The following NAV3 variants were observed in gnomAD, a reference collection of about 807,000 sequenced individuals.
The protein encoded by NAV3 is pore membrane and/or filament interacting like protein 1.
In NAV3, 87 loss-of-function variants were observed where a neutral mutation model predicts 244.7. The observed-to-expected ratio is 0.36, with a 90% CI of 0.30 to 0.42. The LOEUF (loss-of-function observed/expected upper bound fraction) is 0.42. NAV3 is among the 20% of genes least tolerant of loss of function. The pLI is 1.00. For missense variants in NAV3, 2,663 were observed against 2,893.3 expected (o/e 0.92, Z 1.83); for synonymous variants, 1,126 against 1,042.2 (o/e 1.08, Z -1.55).
chr12:77,784,043 C>A (rs982816718), intron 2 of NAV3, among the ~76,000 whole-genome samples: 2 of 152,052 alleles, frequency 1.3e-5, no homozygotes, highest in Non-Finnish European at 2.9e-5. Context: ...ATGACTCTGA[C>A]CTTCAGTTTT....
rs113614434 is a variant in NAV3, at chr12:78,117,955, C to T, written c.2770-72C>T. 3.0e-6 allele frequency: 4 copies of T among 1,346,054 alleles called. No homozygotes were observed. The East Asian group carries it at 9.8e-5, about 33-fold the overall frequency. The allele number at this position is 1,346,054 out of a possible 1,614,324, so 83.4% of individuals were successfully genotyped here. A position where few individuals can be genotyped will look rare whatever the true frequency, so the allele number is the denominator to read the frequency against. On this transcript the variant is annotated intron_variant, in intron 13 of 39. Coordinates refer to ENST00000397909, the MANE Select transcript of NAV3 (RefSeq NM_001024383.2). ...GGATTTATCCAGTTATCTGAAAGTACATTTCATTGCCTTAATTCATACTTT... is the reference window on the plus strand; with the variant it reads ...GGATTTATCCAGTTATCTGAAAGTATATTTCATTGCCTTAATTCATACTTT...
chr12:77,658,493 T>C (rs1357434931), intron 2 of NAV3, among the ~76,000 whole-genome samples: 1 of 149,600 alleles, frequency 6.7e-6, no homozygotes, highest in Non-Finnish European at 1.5e-5. Context: ...TCCATGCTCA[T>C]GGGTAGGAAG....
At chr12:77,838,653 A>G (rs1227723014) in intron 1 of NAV3, among the ~76,000 whole-genome samples, 1 of 152,202 alleles carries the variant, frequency 6.6e-6, no homozygotes, top group African/African-American at 2.4e-5. Flanking sequence ...GCCAATAGAT[A>G]TGTCATTAAT....
chr12:77,960,914 A>G (rs903925511), intron 3 of NAV3, among the ~76,000 whole-genome samples: 17 of 146,540 alleles, frequency 1.2e-4, no homozygotes, highest in African/African-American at 4.2e-4. Flanking sequence ...TATTCAATAT[A>G]CATGTGTTTA....
chr12:77,683,201 G>A (rs1041146245), intron 2 of NAV3, among the ~76,000 whole-genome samples: 1 of 152,078 alleles, frequency 6.6e-6, no homozygotes, highest in Non-Finnish European at 1.5e-5. Flanking sequence ...TATGGTATAA[G>A]GTGAGGGTCT....
intron 2 of NAV3, among the ~76,000 whole-genome samples, chr12:77,782,973 T>A (rs761517383): frequency 3.3e-5 from 5 of 152,012 alleles, no homozygotes; most frequent in Non-Finnish European, 5.9e-5. Context: ...GAGGTGAAGG[T>A]GGGAGGGAGC....
At chr12:78,003,369 C>T (rs1240223884) in intron 7 of NAV3, among the ~76,000 whole-genome samples, 1 of 152,162 alleles carries the variant, frequency 6.6e-6, no homozygotes. Context: ...ATCTGTGATG[C>T]TTAAAGTATC....
rs79842131 is a variant in NAV3, at chr12:77,685,971, T to C, written c.72+113705T>C. Among the ~76,000 whole-genome samples, 14 of 152,306 alleles carry C rather than the reference T, an allele frequency of 9.2e-5. No individual in the cohort carries two copies. In the East Asian group the frequency reaches 2.7e-3, roughly 29 times the overall value. ...CAGTATAGTAGTGTCTCTTTAACATTGTCAACAGAAGTGTCTAGTTTTTGA... is the reference window on the plus strand; with the variant it reads ...CAGTATAGTAGTGTCTCTTTAACATCGTCAACAGAAGTGTCTAGTTTTTGA... On this transcript the variant is annotated intron_variant, in intron 2 of 8. Transcript: ENST00000550042.
intron 24 of NAV3, among the ~76,000 whole-genome samples, chr12:78,172,240 G>A (rs76504426): frequency 0.049 from 7,406 of 151,620 alleles, 196 homozygotes; most frequent in Non-Finnish European, 0.071. Flanking sequence ...GTTGGATAAC[G>A]CATGTATTAA....
At chr12:78,120,138 C>T (rs1955610605) in intron 15 of NAV3, among the ~76,000 whole-genome samples, 193 bp downstream of exon 15, 1 of 151,940 alleles carries the variant, frequency 6.6e-6, no homozygotes, top group South Asian at 2.1e-4. Context: ...AAATAGTTCT[C>T]ATTTTGAGAA....
chr12:77,770,786 G>A lies in NAV3; in HGVS notation c.73-169533G>A, dbSNP rs12229553. ...TTCAAGATGGATTAAAGACTTAAAC[G>A]TTAGACCTAAAACCATAAAACCCCT... On this transcript the variant is annotated intron_variant, in intron 2 of 8. Coordinates refer to the NAV3 transcript ENST00000550042. Among the ~76,000 whole-genome samples the A allele has an allele frequency of 4.1e-3, 623 of 152,244 alleles. 6 individuals are homozygous for A. The highest frequency in any genetic ancestry group is 0.014 in the African/African-American group (591 of 41,540).
chr12:77,719,240 G>C (rs770541), intron 2 of NAV3, among the ~76,000 whole-genome samples: 143,348 of 152,210 alleles, frequency 0.94, 67,583 homozygotes, highest in East Asian at 1. Context: ...ACATTTATGA[G>C]TATATCATCT....
intron 1 of NAV3, among the ~76,000 whole-genome samples, chr12:77,838,502 A>G (rs1310710191): frequency 1.3e-5 from 2 of 152,126 alleles, no homozygotes; most frequent in Non-Finnish European, 2.9e-5. Flanking sequence ...AATTTTTTTG[A>G]AAGTTTCAGT....
At chr12:77,802,729 C>T (rs992371634) in intron 2 of NAV3, among the ~76,000 whole-genome samples, 3 of 151,914 alleles carry the variant, frequency 2.0e-5, no homozygotes, top group African/African-American at 4.8e-5. Flanking sequence ...GTGGCTTGAT[C>T]TCGGCTCACT....
chr12:77,620,353 C>A (rs1010143124), intron 2 of NAV3, among the ~76,000 whole-genome samples: 1 of 152,192 alleles, frequency 6.6e-6, no homozygotes, highest in African/African-American at 2.4e-5. Context: ...CGATGCTGGA[C>A]ATAGTTGCTG....
intron 2 of NAV3, among the ~76,000 whole-genome samples, chr12:77,742,604 T>A (rs1301219496): frequency 3.9e-5 from 6 of 151,978 alleles, no homozygotes; most frequent in African/African-American, 1.4e-4. Context: ...CACAAAAAAA[T>A]TTATTATAAA....
At chr12:77,853,162 A>C (rs1877812752) in intron 1 of NAV3, among the ~76,000 whole-genome samples, 1 of 152,226 alleles carries the variant, frequency 6.6e-6, no homozygotes, top group African/African-American at 2.4e-5. Context: ...TTATGAGGCC[A>C]CAGGTCCTTA....
intron 2 of NAV3, among the ~76,000 whole-genome samples, chr12:77,691,359 A>ATATATATATATC (rs1195596212): frequency 1.4e-5 from 2 of 138,254 alleles, no homozygotes; most frequent in Admixed American, 7.3e-5. Context: ...ATATATACAT[A>ATATATATATATC]TCCATTCTTG....
intron 2 of NAV3, among the ~76,000 whole-genome samples, chr12:77,686,294 T>C (rs1304352666): frequency 6.6e-6 from 1 of 152,092 alleles, no homozygotes; most frequent in Non-Finnish European, 1.5e-5. Flanking sequence ...GGTTTCACCA[T>C]GTTGACCAGG....
Sources: allele counts gnomAD v4.1 joint callset (sites outside exome capture counted in the v4.1 genomes callset), GRCh38; gene constraint gnomAD v4.1.1; transcripts MANE v1.5; gene names NCBI Gene and HGNC (gene_info 2026-07-23, HGNC 2026-07-21).